Variants in TMC5 observed in about 807,000 individuals in gnomAD.
TMC5 encodes transmembrane channel-like protein 5.
In TMC5, 86 loss-of-function variants were observed where a neutral mutation model predicts 110.5. The observed-to-expected ratio is 0.78, with a 90% CI of 0.65 to 0.93. The LOEUF (loss-of-function observed/expected upper bound fraction) is 0.93, where lower values mean the gene tolerates loss of function less well. TMC5 is among the 40% of genes least tolerant of loss of function. The pLI is 0.00. For missense variants in TMC5, 1,144 were observed against 1,222.8 expected (o/e 0.94, Z 0.96); for synonymous variants, 455 against 439.5 (o/e 1.04, Z -0.44).
Position 19,498,116 on chromosome 16 carries a change from A to G in TMC5, c.*150A>G. Reference sequence around the variant, plus strand: ...GGAAACTGACTACCATGTAATTATCAAAGTAAAATTGGGCATTCCATGCTA... The same window carrying G: ...GGAAACTGACTACCATGTAATTATCGAAGTAAAATTGGGCATTCCATGCTA... On this transcript the variant is annotated 3_prime_UTR_variant, in exon 22 of 22. Transcript: ENST00000542583. The G allele has an allele frequency of 1.4e-6, 1 of 709,382 alleles. No individual in the cohort carries two copies. Among genetic ancestry groups the G allele is most frequent in the East Asian group, 2.7e-5 (1 of 36,666 alleles). 43.9% of individuals were successfully genotyped at this position (709,382 alleles called of 1,614,324 possible).
chr16:19,474,104 T>C (rs1182739893), intron 11 of TMC5, 21 bp from the exon 12 acceptor site: 1 of 1,611,262 alleles, frequency 6.2e-7, no homozygotes, highest in Non-Finnish European at 8.5e-7. Flanking sequence ...AGCCCTCCGT[T>C]CTCTCCCCCA....
chr16:19,450,870 TCAGA>T (rs2143517292), intron 5 of TMC5, among the ~76,000 whole-genome samples: 1 of 152,246 alleles, frequency 6.6e-6, no homozygotes, highest in South Asian at 2.1e-4. Context: ...GTGGAAGCAG[TCAGA>T]CTGGTGAAAG....
chr16:19,421,785 G>A (rs1966988136), intron 1 of TMC5, among the ~76,000 whole-genome samples: 1 of 152,188 alleles, frequency 6.6e-6, no homozygotes, highest in African/African-American at 2.4e-5. Context: ...ACAAATCAGA[G>A]TTGAAAAAAG....
rs1296325390 is a variant in TMC5 at position 19,466,341 on chromosome 16, T to C, written c.1637+108T>C. The C allele has an allele frequency of 2.8e-6, 3 of 1,090,620 alleles. No homozygotes were observed. The African/African-American group carries it at 4.7e-5, about 17-fold the overall frequency. The allele number at this position is 1,090,620 out of a possible 1,614,324, so 67.6% of individuals were successfully genotyped here. On this transcript the variant is annotated intron_variant, in intron 9 of 21. Transcript: ENST00000542583. ...TAACAGTTTCTCTGCAGTCCTCTCC[T>C]CTCCTCTCCTCTCTTTTCTTTTCTT...
At chr16:19,469,599 T>C in intron 9 of TMC5, 82 bp from the exon 10 acceptor site, 3 of 1,548,932 alleles carry the variant, frequency 1.9e-6, no homozygotes, top group Admixed American at 1.7e-5. Flanking sequence ...CCATTAATAA[T>C]AGGGCTGCCC....
intron 15 of TMC5, among the ~76,000 whole-genome samples, chr16:19,486,322 C>T (rs1179643560): frequency 1.3e-5 from 2 of 152,156 alleles, no homozygotes; most frequent in Non-Finnish European, 2.9e-5. Flanking sequence ...AGACGGCCAT[C>T]TTCTCCCCAT....
At chr16:19,490,656 G>A (rs1968864307) in intron 18 of TMC5, 88 bp downstream of exon 18, 1 of 1,340,202 alleles carries the variant, frequency 7.5e-7, no homozygotes. Flanking sequence ...GAAAGCAAAT[G>A]GCTATAGCAT....
intron 5 of TMC5, among the ~76,000 whole-genome samples, chr16:19,454,228 A>T (rs913325346): frequency 2.6e-5 from 4 of 152,032 alleles, no homozygotes; most frequent in African/African-American, 9.7e-5. Context: ...TTGTATTTTC[A>T]GTAGACAGAG....
At position 19,448,310 on chromosome 16, in the gene TMC5, A is replaced by G. The variant is rs1428204101; in HGVS notation, c.959-1232A>G. 1.4e-4 allele frequency among the ~76,000 whole-genome samples: 21 copies of G among 151,784 alleles called. 1 individual carries two copies. Among genetic ancestry groups the G allele is most frequent in the South Asian group, 4.2e-4 (2 of 4,800 alleles). Reference sequence around the variant, plus strand: ...CCATTATTTACACACACACGCACACACACACACACACACACACTTTTTTAC... The same window carrying G: ...CCATTATTTACACACACACGCACACGCACACACACACACACACTTTTTTAC... On this transcript the variant is annotated intron_variant, in intron 4 of 21. Coordinates refer to ENST00000542583, the MANE Select transcript of TMC5 (RefSeq NM_001261841.2).
At chr16:19,427,229 G>A (rs1045703263) in intron 1 of TMC5, among the ~76,000 whole-genome samples, 8 of 152,280 alleles carry the variant, frequency 5.3e-5, no homozygotes, top group South Asian at 4.1e-4. Flanking sequence ...CAAGGCCAGC[G>A]GATCACTTGA....
chr16:19,467,773 C>A (rs552929783), intron 9 of TMC5, among the ~76,000 whole-genome samples: 1 of 152,004 alleles, frequency 6.6e-6, no homozygotes. Flanking sequence ...TGAGCCACTG[C>A]GCCCGGCCTG....
chr16:19,462,646 T>C (rs1968054559), intron 6 of TMC5: 1 of 629,950 alleles, frequency 1.6e-6, no homozygotes, highest in Non-Finnish European at 2.9e-6. Flanking sequence ...ATGCCTGTAA[T>C]CCCAGCACTT....
intron 1 of TMC5, among the ~76,000 whole-genome samples, chr16:19,422,879 T>G (rs111458412): frequency 6.6e-6 from 1 of 151,798 alleles, no homozygotes; most frequent in Non-Finnish European, 1.5e-5. Flanking sequence ...ACCTGGGAGG[T>G]GGAGGTTGCA....
At chr16:19,442,175 A>G (rs1967504558) in intron 3 of TMC5, among the ~76,000 whole-genome samples, 1 of 152,144 alleles carries the variant, frequency 6.6e-6, no homozygotes, top group Non-Finnish European at 1.5e-5. Flanking sequence ...TGTCTAAAAG[A>G]TTTTGATCTT....
intron 12 of TMC5, among the ~76,000 whole-genome samples, chr16:19,476,328 C>CA (rs2143668287): frequency 6.6e-6 from 1 of 152,022 alleles, no homozygotes; most frequent in East Asian, 1.9e-4. Context: ...GTTTGGGTAA[C>CA]AGAGTGAGAC....
rs186191021 is a variant in TMC5, at chr16:19,467,952, G to A, written c.1637+1719G>A. Among the ~76,000 whole-genome samples the A allele has an allele frequency of 4.6e-5, 7 of 152,158 alleles. No homozygotes were observed. The East Asian group carries it at 1.4e-3, about 29-fold the overall frequency. ...TGAGATTTTGTTTTGTTCTGTCAAA[G>A]TAGGAAATGATTTTATTATTATTAT... On this transcript the variant is annotated intron_variant, in intron 9 of 21. Coordinates refer to ENST00000542583, the MANE Select transcript of TMC5 (RefSeq NM_001261841.2).
chr16:19,463,691 G>A, intron 7 of TMC5, 85 bp from the exon 8 acceptor site: 1 of 1,489,304 alleles, frequency 6.7e-7, no homozygotes. Context: ...CAGACATGGT[G>A]GCTGTTTCTG....
At chr16:19,461,232 T>C (rs1968013356) in intron 6 of TMC5, among the ~76,000 whole-genome samples, 1 of 152,212 alleles carries the variant, frequency 6.6e-6, no homozygotes, top group Non-Finnish European at 1.5e-5. Context: ...TTACTGTCTT[T>C]GCAAGTTTAC....
intron 9 of TMC5, among the ~76,000 whole-genome samples, chr16:19,467,109 A>G (rs944332581): frequency 6.6e-6 from 1 of 152,008 alleles, no homozygotes; most frequent in Non-Finnish European, 1.5e-5. Flanking sequence ...TCAGTCTACT[A>G]CACTCCAGCC....
Sources: gnomAD v4.1 joint callset for allele counts (sites outside exome capture counted in the v4.1 genomes callset) on GRCh38, gnomAD v4.1.1 for gene constraint, MANE v1.5 for transcripts, NCBI Gene and HGNC (gene_info 2026-07-23, HGNC 2026-07-21) for gene names.